Variants in CNTLN observed in about 807,000 individuals in gnomAD.
The protein encoded by CNTLN is centlein, also known as centlein, centrosomal protein.
A neutral mutation model predicts 180.0 loss-of-function variants in CNTLN; 212 were observed. The ratio of observed to expected loss-of-function variants is 1.18; its 90% CI spans 1.05 to 1.32. The LOEUF is 1.32. Ranked by LOEUF, CNTLN falls within the 40% of genes most tolerant of loss-of-function variation. The pLI is 0.00. For missense variants in CNTLN, 2,095 were observed against 1,610.9 expected (o/e 1.30, Z -5.14); for synonymous variants, 722 against 563.1 (o/e 1.28, Z -3.99).
chr9:17,462,584 C>T (rs1054411139), intron 19 of CNTLN, among the ~76,000 whole-genome samples: 1 of 151,754 alleles, frequency 6.6e-6, no homozygotes, highest in Non-Finnish European at 1.5e-5. Flanking sequence ...TTTAAGTGAT[C>T]TTCTTAAATC....
intron 8 of CNTLN, among the ~76,000 whole-genome samples, chr9:17,312,391 T>TATATA (rs1819251212): frequency 9.1e-6 from 1 of 109,374 alleles, no homozygotes; most frequent in Non-Finnish European, 2.0e-5. Context: ...TATAATTTAT[T>TATATA]TATTTATTTT....
At position 17,492,135 on chromosome 9, in the gene CNTLN, G is replaced by GT. The variant is rs1429848117; in HGVS notation, c.4119+5077dup. ...AAAATTCTCTACTCACAGCCTTGCT[G>GT]TTTTTTTTCAATTTAACAAAGTAAG... On this transcript the variant is annotated intron_variant, in intron 25 of 25. Coordinates refer to ENST00000380647, the MANE Select transcript of CNTLN (RefSeq NM_017738.4). Among the ~76,000 whole-genome samples the GT allele has an allele frequency of 7.3e-5, 11 of 151,562 alleles. 1 individual carries two copies. The highest frequency in any genetic ancestry group is 1.9e-4 in the African/African-American group (8 of 41,326).
At chr9:17,273,967 T>G in intron 6 of CNTLN, 101 bp downstream of exon 6, 1 of 924,048 alleles carries the variant, frequency 1.1e-6, no homozygotes, top group Non-Finnish European at 1.6e-6. Flanking sequence ...ATAATAACTA[T>G]GTTTTCTGTG....
intron 5 of CNTLN, among the ~76,000 whole-genome samples, chr9:17,271,964 T>C (rs571994843): frequency 3.3e-5 from 5 of 152,318 alleles, no homozygotes; most frequent in African/African-American, 1.2e-4. Flanking sequence ...TGTATATTTA[T>C]AGTCCTTTTG....
At chr9:17,414,743 A>T (rs1454960908) in intron 16 of CNTLN, among the ~76,000 whole-genome samples, 1 of 152,190 alleles carries the variant, frequency 6.6e-6, no homozygotes, top group East Asian at 1.9e-4. Flanking sequence ...AGTTCTTTTT[A>T]AAATAAGAAA....
chr9:17,299,799 T>C, intron 7 of CNTLN: 1 of 984,510 alleles, frequency 1.0e-6, no homozygotes. Flanking sequence ...TTTTCCCCCA[T>C]TGATGACTTT....
At chr9:17,298,857 C>T (rs531182561) in intron 7 of CNTLN, 14 of 985,316 alleles carry the variant, frequency 1.4e-5, no homozygotes, top group East Asian at 1.1e-4. Flanking sequence ...TTTTACTTTA[C>T]AGTTGTTTTA....
chr9:17,381,073 T>C (rs537896152), intron 13 of CNTLN, among the ~76,000 whole-genome samples: 1 of 152,326 alleles, frequency 6.6e-6, no homozygotes, highest in East Asian at 1.9e-4. Context: ...TGTTAGTTTC[T>C]ATGGAGGATT....
At chr9:17,330,888 G>A (rs1391526197) in intron 9 of CNTLN, 80 bp downstream of exon 9, 1 of 1,241,572 alleles carries the variant, frequency 8.1e-7, no homozygotes, top group Non-Finnish European at 1.1e-6. Context: ...ACAAATGGCA[G>A]CATTTACTTC....
rs549381470 is a variant in CNTLN, at chr9:17,357,878, G to A, written c.1887-8739G>A. On this transcript the variant is annotated intron_variant, in intron 12 of 25. Transcript: ENST00000380647. ...TTGAATGACAGGAAACTGATACAAA[G>A]GGTTTGTTTAGTCTGGAAAGTATTT... Among the ~76,000 whole-genome samples, 4 of 151,752 alleles carry A rather than the reference G, an allele frequency of 2.6e-5. No homozygotes were observed. The East Asian group carries it at 7.7e-4, about 29-fold the overall frequency.
intron 5 of CNTLN, among the ~76,000 whole-genome samples, chr9:17,241,576 A>G (rs148330080): frequency 1.3e-5 from 2 of 152,112 alleles, no homozygotes; most frequent in African/African-American, 4.8e-5. Context: ...AGATTAAAAA[A>G]AATTCTGCGA....
chr9:17,287,440 T>C (rs535923357), intron 6 of CNTLN, among the ~76,000 whole-genome samples: 4,518 of 151,202 alleles, frequency 0.03, 87 homozygotes, highest in South Asian at 0.071. Flanking sequence ...TGCATCAATG[T>C]TCATCAAGGA....
intron 3 of CNTLN, among the ~76,000 whole-genome samples, chr9:17,228,306 A>G (rs755141621): frequency 1.3e-5 from 2 of 151,938 alleles, no homozygotes; most frequent in Non-Finnish European, 2.9e-5. Flanking sequence ...TTCATTATTT[A>G]TCTTTTGAGT....
intron 13 of CNTLN, among the ~76,000 whole-genome samples, chr9:17,385,288 A>G (rs1247056499): frequency 2.0e-5 from 3 of 152,282 alleles, no homozygotes; most frequent in Admixed American, 6.5e-5. Context: ...TTAAGTAGCC[A>G]TCATTGATTC....
intron 18 of CNTLN, among the ~76,000 whole-genome samples, chr9:17,455,783 ATGGCAGGCAGGTTTGGGGAG>A (rs1190782325): frequency 0.66 from 87,024 of 132,370 alleles, 29,271 homozygotes; most frequent in East Asian, 0.88. Context: ...GGTTTGGGGA[ATGGCAGGCAGGTTTGGGGAG>A]TGGCAGGCAG....
intron 2 of CNTLN, among the ~76,000 whole-genome samples, chr9:17,173,366 C>A (rs916357792): frequency 6.6e-6 from 1 of 152,006 alleles, no homozygotes; most frequent in African/African-American, 2.4e-5. Flanking sequence ...AATACATGTG[C>A]GTATGCATAT....
intron 7 of CNTLN, chr9:17,300,453 A>C (rs1818266929): frequency 6.6e-6 from 1 of 152,216 alleles, no homozygotes; most frequent in Non-Finnish European, 1.5e-5. Context: ...GAACGTGTTC[A>C]AAACAAAGCT....
At chr9:17,493,869 G>C (rs1181378948) in intron 25 of CNTLN, among the ~76,000 whole-genome samples, 1 of 152,170 alleles carries the variant, frequency 6.6e-6, no homozygotes, top group Admixed American at 6.5e-5. Context: ...ATATTGACCA[G>C]AACTCTCTCC....
chr9:17,143,787 CG>C (rs1160788306), intron 2 of CNTLN, among the ~76,000 whole-genome samples: 2 of 152,180 alleles, frequency 1.3e-5, no homozygotes, highest in African/African-American at 2.4e-5. Flanking sequence ...AATTGAAAGC[CG>C]GGGATGACCT....
Sources: allele counts gnomAD v4.1 joint callset (sites outside exome capture counted in the v4.1 genomes callset), GRCh38; gene constraint gnomAD v4.1.1; transcripts MANE v1.5; gene names NCBI Gene and HGNC (gene_info 2026-07-23, HGNC 2026-07-21).